The following PCDH15 variants were observed in gnomAD, a reference collection of about 807,000 sequenced individuals.
The protein encoded by PCDH15 is protocadherin related 15.
Under a neutral mutation model 178.5 loss-of-function variants are expected in PCDH15, and 129 were observed. The observed-to-expected ratio is 0.72, with a 90% CI of 0.63 to 0.84. PCDH15 has a LOEUF of 0.84. PCDH15 is among the 40% of genes least tolerant of loss of function. The pLI is 0.00. For synonymous variants in PCDH15, 800 were observed against 732.0 expected (o/e 1.09, Z -1.50); for missense variants, 2,230 against 2,099.9 (o/e 1.06, Z -1.21).
At chr10:54,412,014 G>A (rs928632300) in intron 3 of PCDH15, among the ~76,000 whole-genome samples, 2 of 152,034 alleles carry the variant, frequency 1.3e-5, no homozygotes, top group Non-Finnish European at 2.9e-5. Context: ...AGGGTGACCT[G>A]TGCACATGCT....
intron 2 of PCDH15, among the ~76,000 whole-genome samples, chr10:55,478,584 C>T (rs1343933105): frequency 3.3e-5 from 5 of 150,658 alleles, no homozygotes; most frequent in African/African-American, 1.2e-4. Context: ...TGTTGTACCT[C>T]AAGAACCTAG....
intron 2 of PCDH15, among the ~76,000 whole-genome samples, chr10:55,529,452 T>A (rs1229103773): frequency 6.6e-6 from 1 of 151,846 alleles, no homozygotes; most frequent in Non-Finnish European, 1.5e-5. Context: ...CAGTTCTCAA[T>A]AAATCCTCCT....
chr10:54,797,642 G>A (rs556236318), intron 1 of PCDH15, among the ~76,000 whole-genome samples: 1 of 151,748 alleles, frequency 6.6e-6, no homozygotes, highest in African/African-American at 2.4e-5. Context: ...TCATTTTGCT[G>A]GCTTCATTTA....
At chr10:54,491,168 T>C (rs1186777960) in intron 3 of PCDH15, among the ~76,000 whole-genome samples, 1 of 152,144 alleles carries the variant, frequency 6.6e-6, no homozygotes, top group Non-Finnish European at 1.5e-5. Flanking sequence ...TTCAAAGTTA[T>C]CAGAAAAGGG....
intron 28 of PCDH15, among the ~76,000 whole-genome samples, chr10:53,841,723 C>T (rs991064250): frequency 1.3e-5 from 2 of 152,154 alleles, no homozygotes; most frequent in Non-Finnish European, 2.9e-5. Flanking sequence ...ACTGGTCTCT[C>T]GGCTTCGCAA....
intron 37 of PCDH15, 82 bp downstream of exon 37, chr10:53,810,474 T>G: frequency 7.9e-7 from 1 of 1,263,740 alleles, no homozygotes; most frequent in Non-Finnish European, 1.1e-6. Context: ...AAAGCTGAAA[T>G]GTTCTACAGC....
At chr10:54,152,720 G>T (rs920283122) in intron 14 of PCDH15, among the ~76,000 whole-genome samples, 1 of 151,880 alleles carries the variant, frequency 6.6e-6, no homozygotes, top group Non-Finnish European at 1.5e-5. Flanking sequence ...GTGCGAGTCT[G>T]TGTGTGTATA....
At chr10:54,861,527 A>C (rs1019976240) in intron 3 of PCDH15, among the ~76,000 whole-genome samples, 1 of 152,166 alleles carries the variant, frequency 6.6e-6, no homozygotes, top group Non-Finnish European at 1.5e-5. Flanking sequence ...CAGCCATATC[A>C]GGCATCAAAG....
intron 8 of PCDH15, among the ~76,000 whole-genome samples, chr10:54,251,859 T>C (rs1352383084): frequency 6.6e-6 from 1 of 152,184 alleles, no homozygotes; most frequent in Non-Finnish European, 1.5e-5. Context: ...TATTTAACTT[T>C]CAATATCATC....
intron 1 of PCDH15, among the ~76,000 whole-genome samples, chr10:54,713,083 G>C (rs1042737620): frequency 2.0e-5 from 3 of 152,054 alleles, no homozygotes; most frequent in African/African-American, 7.2e-5. Flanking sequence ...GCAGGTAAGT[G>C]TGAACATTCC....
chr10:55,376,190 A>T (rs929502247), intron 2 of PCDH15, among the ~76,000 whole-genome samples: 5 of 152,118 alleles, frequency 3.3e-5, no homozygotes, highest in Non-Finnish European at 1.5e-5. Context: ...TATTATGTAG[A>T]ACTCCACAGG....
intron 3 of PCDH15, among the ~76,000 whole-genome samples, chr10:54,477,034 T>G (rs1243370764): frequency 6.6e-6 from 1 of 152,126 alleles, no homozygotes; most frequent in African/African-American, 2.4e-5. Flanking sequence ...TTAGTGCTAC[T>G]GAGGGAGCCT....
At chr10:53,832,153 A>G (rs1016317340) in intron 29 of PCDH15, among the ~76,000 whole-genome samples, 3 of 151,984 alleles carry the variant, frequency 2.0e-5, no homozygotes, top group Non-Finnish European at 4.4e-5. Context: ...CTGCCTAGGA[A>G]AAAAAGACTA....
intron 5 of PCDH15, among the ~76,000 whole-genome samples, chr10:54,348,384 C>T (rs1404288820): frequency 1.3e-5 from 2 of 152,070 alleles, no homozygotes. Flanking sequence ...TTAAGTAGTA[C>T]CTATGAGGAC....
intron 14 of PCDH15, among the ~76,000 whole-genome samples, chr10:54,151,559 A>G (rs1469834529): frequency 1.3e-5 from 2 of 152,080 alleles, no homozygotes. Flanking sequence ...AATGTAAAAG[A>G]AAAAAAGCCT....
At chr10:54,552,177 A>T (rs973883220) in intron 2 of PCDH15, among the ~76,000 whole-genome samples, 1 of 152,082 alleles carries the variant, frequency 6.6e-6, no homozygotes, top group Non-Finnish European at 1.5e-5. Context: ...TCAACATTAC[A>T]TATTTGTTTA....
chr10:54,899,696 C>A (rs577633141), intron 2 of PCDH15, among the ~76,000 whole-genome samples: 1 of 151,958 alleles, frequency 6.6e-6, no homozygotes, highest in African/African-American at 2.4e-5. Flanking sequence ...TGGGTTTCAC[C>A]GTATTAGCTA....
intron 13 of PCDH15, among the ~76,000 whole-genome samples, chr10:54,180,120 T>A (rs1162007827): frequency 1.3e-5 from 2 of 152,198 alleles, no homozygotes; most frequent in Non-Finnish European, 2.9e-5. Flanking sequence ...GTGCTAATAA[T>A]GTGATTATAC....
At chr10:54,162,805 C>A (rs1272381610) in intron 13 of PCDH15, among the ~76,000 whole-genome samples, 3 of 152,050 alleles carry the variant, frequency 2.0e-5, no homozygotes, top group Non-Finnish European at 4.4e-5. Flanking sequence ...GAGTTAAATT[C>A]TAACTTTGAC....
Sources: allele counts gnomAD v4.1 joint callset (sites outside exome capture counted in the v4.1 genomes callset), GRCh38; gene constraint gnomAD v4.1.1; transcripts MANE v1.5; gene names NCBI Gene and HGNC (gene_info 2026-07-23, HGNC 2026-07-21).